RAD51B: variants seen among roughly 807,000 people sequenced by gnomAD.
The protein encoded by RAD51B is RAD51 paralog B, also known as DNA repair protein RAD51 homolog 2.
A neutral mutation model predicts 42.2 loss-of-function variants in RAD51B; 38 were observed. That is an observed-to-expected ratio of 0.90 (90% confidence interval 0.70 to 1.18). The LOEUF is 1.18. RAD51B is among the 50% of genes most tolerant of loss of function. The pLI, the probability that RAD51B is intolerant of heterozygous loss-of-function variation, is 0.00. For missense variants in RAD51B, 373 were observed against 400.7 expected, an observed-to-expected ratio of 0.93 and a Z score of 0.59; for synonymous variants, 154 against 145.2, an observed-to-expected ratio of 1.06 and a Z score of -0.43.
In RAD51B at chr14:68,547,121, G is replaced by A. The variant is rs191407559; in HGVS notation, c.1037-47364G>A. 8.5e-5 allele frequency among the ~76,000 whole-genome samples: 13 copies of A among 152,280 alleles called. No individual in the cohort carries two copies. In the East Asian group the frequency reaches 1.5e-3, roughly 18 times the overall value. On this transcript the variant is annotated intron_variant, in intron 10 of 10. Coordinates refer to the RAD51B transcript ENST00000487270. ...ACAAATGGCTGTCATGGACTAGACC[G>A]GTGCCTAACAAACAGCCCACACTTC...
intron 7 of RAD51B, among the ~76,000 whole-genome samples, chr14:68,161,798 A>G (rs956362745): frequency 2.0e-5 from 3 of 152,198 alleles, no homozygotes; most frequent in African/African-American, 7.2e-5. Flanking sequence ...CTAGAACATC[A>G]TGCTTCTTCC....
At chr14:68,556,333 C>T (rs924824873) in intron 10 of RAD51B, among the ~76,000 whole-genome samples, 1 of 152,186 alleles carries the variant, frequency 6.6e-6, no homozygotes, top group Non-Finnish European at 1.5e-5. Flanking sequence ...CTTCCCAGGG[C>T]CTTGCTCAGG....
chr14:68,197,383 T>C (rs764698178), intron 7 of RAD51B, among the ~76,000 whole-genome samples: 46 of 152,154 alleles, frequency 3.0e-4, no homozygotes, highest in Non-Finnish European at 5.4e-4. Flanking sequence ...TAGTAATGAG[T>C]AGTATGCCAT....
chr14:67,891,835 CT>C (rs1465489530), intron 7 of RAD51B, among the ~76,000 whole-genome samples: 2 of 151,984 alleles, frequency 1.3e-5, no homozygotes, highest in African/African-American at 4.8e-5. Flanking sequence ...GTGTTTATAA[CT>C]GGTGAGATAA....
chr14:67,973,112 C>T (rs1566986392), intron 7 of RAD51B, among the ~76,000 whole-genome samples: 1 of 152,056 alleles, frequency 6.6e-6, no homozygotes, highest in East Asian at 1.9e-4. Context: ...TATAATCAAC[C>T]ATATCTAAGG....
At chr14:67,951,628 T>G (rs1245795313) in intron 7 of RAD51B, among the ~76,000 whole-genome samples, 2 of 152,200 alleles carry the variant, frequency 1.3e-5, no homozygotes, top group Non-Finnish European at 2.9e-5. Context: ...AGATTACTGC[T>G]TTATCAATAG....
chr14:68,150,058 C>T (rs1055581234), intron 7 of RAD51B: 33 of 152,484 alleles, frequency 2.2e-4, no homozygotes, highest in Admixed American at 1.8e-3. Context: ...AATTCTCCTG[C>T]CTCAGCCTCC....
In RAD51B at chr14:67,841,572, T is replaced by C. The variant is rs376739304; in HGVS notation, c.315+6376T>C. Reference sequence around the variant, plus strand: ...TTGGGTCTTAGATTTAAATTGTTGATCCATCTTGAGTTAATTTTTGTAAAT... The same window carrying C: ...TTGGGTCTTAGATTTAAATTGTTGACCCATCTTGAGTTAATTTTTGTAAAT... On this transcript the variant is annotated intron_variant, in intron 4 of 10. Transcript: ENST00000471583. 2.6e-5 allele frequency among the ~76,000 whole-genome samples: 4 copies of C among 152,342 alleles called. No individual in the cohort carries two copies. The East Asian group carries it at 7.7e-4, about 29-fold the overall frequency.
intron 11 of RAD51B, among the ~76,000 whole-genome samples, chr14:68,667,889 C>T (rs1397247341): frequency 6.6e-6 from 1 of 152,200 alleles, no homozygotes; most frequent in African/African-American, 2.4e-5. Flanking sequence ...AGGATGTATC[C>T]ACAGACCTAA....
intron 8 of RAD51B, among the ~76,000 whole-genome samples, chr14:68,373,108 T>A (rs2083294271): frequency 6.6e-6 from 1 of 152,216 alleles, no homozygotes; most frequent in South Asian, 2.1e-4. Context: ...CACAAGTAAA[T>A]GAAAATAAGT....
chr14:68,534,267 A>G (rs1177838749), intron 10 of RAD51B, among the ~76,000 whole-genome samples: 1 of 152,250 alleles, frequency 6.6e-6, no homozygotes, highest in Non-Finnish European at 1.5e-5. Flanking sequence ...GAAGGTCAGG[A>G]ACTCAGAGAC....
At chr14:68,386,170 G>A (rs2083589984) in intron 8 of RAD51B, among the ~76,000 whole-genome samples, 1 of 152,078 alleles carries the variant, frequency 6.6e-6, no homozygotes, top group African/African-American at 2.4e-5. Flanking sequence ...GATAAAAGCA[G>A]GCCACATACA....
chr14:68,233,762 A>T (rs375954427), intron 7 of RAD51B, among the ~76,000 whole-genome samples: 31 of 152,342 alleles, frequency 2.0e-4, no homozygotes, highest in African/African-American at 7.5e-4. Flanking sequence ...CCCCATCAAT[A>T]CAGGGAACAG....
intron 7 of RAD51B, among the ~76,000 whole-genome samples, chr14:67,943,475 G>A (rs1338441967): frequency 1.3e-5 from 2 of 152,074 alleles, no homozygotes; most frequent in Non-Finnish European, 2.9e-5. Flanking sequence ...AAATACGATA[G>A]GCACTATCAC....
intron 10 of RAD51B, among the ~76,000 whole-genome samples, chr14:68,629,095 G>A (rs983135712): frequency 6.6e-6 from 1 of 151,990 alleles, no homozygotes; most frequent in African/African-American, 2.4e-5. Flanking sequence ...AGCCCCACAC[G>A]ATGCCCAACT....
chr14:68,554,854 G>GTTT (rs3076489), intron 10 of RAD51B, among the ~76,000 whole-genome samples: 1 of 138,888 alleles, frequency 7.2e-6, no homozygotes, highest in Non-Finnish European at 1.6e-5. Flanking sequence ...AAATTAAAAA[G>GTTT]TTTTTTTTTT....
intron 8 of RAD51B, among the ~76,000 whole-genome samples, chr14:68,327,080 G>A (rs2082265535): frequency 6.6e-6 from 1 of 152,192 alleles, no homozygotes; most frequent in Non-Finnish European, 1.5e-5. Context: ...GAATGATTGT[G>A]AGTAAATCTA....
intron 7 of RAD51B, among the ~76,000 whole-genome samples, chr14:68,082,029 C>T (rs1219319549): frequency 2.6e-5 from 4 of 151,748 alleles, no homozygotes; most frequent in African/African-American, 4.8e-5. Flanking sequence ...GGTGCGATCT[C>T]GGCTCACTGC....
intron 11 of RAD51B, among the ~76,000 whole-genome samples, chr14:68,678,320 A>G (rs768119339): frequency 5.9e-5 from 9 of 152,178 alleles, no homozygotes; most frequent in Non-Finnish European, 8.8e-5. Flanking sequence ...GCCCTGAGCC[A>G]AATCTGAACC....
Sources: gnomAD v4.1 joint callset for allele counts (sites outside exome capture counted in the v4.1 genomes callset) on GRCh38, gnomAD v4.1.1 for gene constraint, MANE v1.5 for transcripts, NCBI Gene and HGNC (gene_info 2026-07-23, HGNC 2026-07-21) for gene names.